PLPPR1: variants seen among roughly 807,000 people sequenced by gnomAD.
PLPPR1 encodes the protein phospholipid phosphatase related 1, also known as phospholipid phosphatase-related protein type 1.
In PLPPR1, 10 loss-of-function variants were observed where a neutral mutation model predicts 33.1. The observed-to-expected ratio is 0.30, with a 90% CI of 0.19 to 0.51. The LOEUF (loss-of-function observed/expected upper bound fraction) is 0.51. Among genes scored for constraint, PLPPR1 ranks in the 20% least tolerant of loss-of-function variants. The pLI, the probability that PLPPR1 is intolerant of heterozygous loss-of-function variation, is 0.97. For missense variants in PLPPR1, 304 were observed against 408.1 expected, an observed-to-expected ratio of 0.74 and a Z score of 2.20; for synonymous variants, 151 against 151.0, an observed-to-expected ratio of 1.00 and a Z score of 0.00.
At chr9:101,180,156 A>G in intron 1 of PLPPR1, among the ~76,000 whole-genome samples, 1 of 139,258 alleles carries the variant, frequency 7.2e-6, no homozygotes, top group South Asian at 2.2e-4. Context: ...ACACACACAC[A>G]CACACATACA....
At chr9:101,095,073 T>C (rs1830798524) in intron 1 of PLPPR1, among the ~76,000 whole-genome samples, 1 of 152,200 alleles carries the variant, frequency 6.6e-6, no homozygotes, top group African/African-American at 2.4e-5. Context: ...TCAGTGTTTA[T>C]ATAGTTGTCT....
At chr9:101,249,259 TAG>T (rs1285507723) in intron 2 of PLPPR1, among the ~76,000 whole-genome samples, 2 of 152,102 alleles carry the variant, frequency 1.3e-5, no homozygotes, top group African/African-American at 2.4e-5. Context: ...GCTTTGAAAC[TAG>T]AGTTTTCTCA....
chr9:101,124,729 C>T lies in PLPPR1; in HGVS notation c.-45-60721C>T, dbSNP rs181941531. The stretch of plus-strand genomic sequence containing the variant: ...GCTCAGGATAGATCTTCAGATGTTT[C>T]GTGGGCACCCACACAGGCACCTGAT... On this transcript the variant is annotated intron_variant, in intron 1 of 7. Transcript: ENST00000374874. Among the ~76,000 whole-genome samples the T allele has an allele frequency of 1.4e-3, 214 of 152,292 alleles. 2 individuals carry two copies. Among genetic ancestry groups the T allele is most frequent in the African/African-American group, 4.1e-3 (172 of 41,572 alleles).
intron 1 of PLPPR1, among the ~76,000 whole-genome samples, chr9:101,054,465 A>G (rs1286737583): frequency 3.9e-5 from 6 of 152,190 alleles, no homozygotes; most frequent in African/African-American, 7.2e-5. Context: ...CATATTGATG[A>G]CAGACTCAAT....
intron 2 of PLPPR1, among the ~76,000 whole-genome samples, chr9:101,225,585 A>G (rs1169900964): frequency 6.6e-6 from 1 of 152,160 alleles, no homozygotes; most frequent in Non-Finnish European, 1.5e-5. Context: ...GGGAGCATGC[A>G]GTGAAAATAA....
intron 2 of PLPPR1, among the ~76,000 whole-genome samples, chr9:101,244,379 C>G (rs568704841): frequency 6.6e-6 from 1 of 151,408 alleles, no homozygotes; most frequent in African/African-American, 2.4e-5. Flanking sequence ...TTCAGAAAGA[C>G]GAAAAATAAT....
chr9:101,076,113 G>A (rs2118498670), intron 1 of PLPPR1, among the ~76,000 whole-genome samples: 1 of 152,166 alleles, frequency 6.6e-6, no homozygotes, highest in East Asian at 1.9e-4. Context: ...TATCATCTGG[G>A]AATTCGTGAG....
intron 6 of PLPPR1, among the ~76,000 whole-genome samples, chr9:101,314,355 T>G (rs760914134): frequency 6.6e-6 from 1 of 152,182 alleles, no homozygotes; most frequent in East Asian, 1.9e-4. Context: ...AGCCTCTAAC[T>G]TGGTTTTCCA....
intron 1 of PLPPR1, among the ~76,000 whole-genome samples, chr9:101,177,318 A>G (rs1826032974): frequency 6.6e-6 from 1 of 152,068 alleles, no homozygotes; most frequent in South Asian, 2.1e-4. Flanking sequence ...CAGTGCAGAT[A>G]TTTTACCTCT....
intron 2 of PLPPR1, among the ~76,000 whole-genome samples, chr9:101,260,109 GGA>G (rs1480751852): frequency 3.9e-5 from 6 of 151,998 alleles, no homozygotes; most frequent in African/African-American, 1.5e-4. Flanking sequence ...ACTGAGGCCA[GGA>G]GAGAGAGATC....
chr9:101,054,536 C>G (rs1269930294), intron 1 of PLPPR1, among the ~76,000 whole-genome samples: 1 of 152,158 alleles, frequency 6.6e-6, no homozygotes, highest in African/African-American at 2.4e-5. Flanking sequence ...TTCTGTTAGG[C>G]CTTCCTGTCT....
chr9:101,285,985 C>T, intron 3 of PLPPR1, 119 bp from the exon 4 acceptor site: 1 of 728,322 alleles, frequency 1.4e-6, no homozygotes, highest in Non-Finnish European at 2.3e-6. Flanking sequence ...CACCATCTCT[C>T]TCCAACATCT....
intron 1 of PLPPR1, among the ~76,000 whole-genome samples, chr9:101,145,974 C>T (rs1208194010): frequency 6.6e-6 from 1 of 152,068 alleles, no homozygotes; most frequent in Non-Finnish European, 1.5e-5. Context: ...CATGATGGCA[C>T]CACTGCATTC....
At chr9:101,205,879 A>C (rs1285390641) in intron 2 of PLPPR1, among the ~76,000 whole-genome samples, 1 of 152,200 alleles carries the variant, frequency 6.6e-6, no homozygotes, top group African/African-American at 2.4e-5. Context: ...TTACTAAAGC[A>C]AAGAGGTGCT....
rs184408640 is a variant in PLPPR1 at position 101,297,980 on chromosome 9, C to T, written c.386-11231C>T. The stretch of plus-strand genomic sequence containing the variant: ...CAGTTCAGTTCTGCTCACAAATATA[C>T]TTGAGTAAATATTTTTGTAAATATA... On this transcript the variant is annotated intron_variant, in intron 4 of 7. Coordinates refer to ENST00000374874, the MANE Select transcript of PLPPR1 (RefSeq NM_207299.2). 5.3e-5 allele frequency among the ~76,000 whole-genome samples: 8 copies of T among 152,264 alleles called. No individual in the cohort carries two copies. The East Asian group carries it at 1.5e-3, about 29-fold the overall frequency.
At chr9:101,094,828 A>G (rs1830794211) in intron 1 of PLPPR1, among the ~76,000 whole-genome samples, 1 of 152,126 alleles carries the variant, frequency 6.6e-6, no homozygotes, top group Admixed American at 6.5e-5. Flanking sequence ...CCAACCCACA[A>G]TCCCATTTTC....
Position 101,185,534 on chromosome 9 carries a change from A to G in PLPPR1, c.40A>G (p.Ile14Val). 1.2e-6 allele frequency: 2 copies of G among 1,609,568 alleles called. No individual in the cohort carries two copies. The highest frequency in any genetic ancestry group is 1.7e-6 in the Non-Finnish European group (2 of 1,177,046). The change falls in exon 2 of 8, where the codon ATC becomes GTC. Residue 14 changes from isoleucine (I) to valine (V), a missense_variant. Transcript: ENST00000374874. Reference protein sequence around the residue: ...GNNTQRSYSIIPCFIFVELVI... With the variant: ...GNNTQRSYSIVPCFIFVELVI... ...CAACACTCAACGAAGTTATTCCATC[A>G]TCCCGTGTTTTATATTTGTTGAGGT...
Position 101,174,067 on chromosome 9 carries a change from G to A in PLPPR1, c.-45-11383G>A, listed in dbSNP as rs139591234. Among the ~76,000 whole-genome samples, 8 of 152,220 alleles carry A rather than the reference G, an allele frequency of 5.3e-5. No individual in the cohort carries two copies. In the East Asian group the frequency reaches 1.5e-3, roughly 29 times the overall value. On this transcript the variant is annotated intron_variant, in intron 1 of 7. Transcript: ENST00000374874. ...GCTACTCAAGAGGCTGAGGTGGGAG[G>A]ATTGGTTGTACCAGGGAGGTCAATG...
intron 3 of PLPPR1, among the ~76,000 whole-genome samples, chr9:101,277,602 G>T (rs1229789561): frequency 6.6e-6 from 1 of 152,076 alleles, no homozygotes; most frequent in Non-Finnish European, 1.5e-5. Context: ...TATCATAATG[G>T]CAAAGATGTT....
Sources: gnomAD v4.1 joint callset for allele counts (sites outside exome capture counted in the v4.1 genomes callset) on GRCh38, gnomAD v4.1.1 for gene constraint, MANE v1.5 for transcripts, NCBI Gene and HGNC (gene_info 2026-07-23, HGNC 2026-07-21) for gene names.